The following CHODL variants were observed in gnomAD, a reference collection of about 807,000 sequenced individuals.
CHODL encodes chondrolectin, also known as transmembrane protein MT75.
A neutral mutation model predicts 34.5 loss-of-function variants in CHODL; 29 were observed. The ratio of observed to expected loss-of-function variants is 0.84; its 90% CI spans 0.63 to 1.15. The LOEUF (loss-of-function observed/expected upper bound fraction) is 1.15, where lower values mean the gene tolerates loss of function less well. Ranked by LOEUF, CHODL falls within the 50% of genes most tolerant of loss-of-function variation. CHODL has a pLI of 0.00. For missense variants in CHODL, 332 were observed against 332.5 expected (o/e 1.00, Z 0.01); for synonymous variants, 125 against 116.1 (o/e 1.08, Z -0.49).
upstream of CHODL, among the ~76,000 whole-genome samples, chr21:18,241,618 G>T (rs2146772027): frequency 6.6e-6 from 1 of 152,290 alleles, no homozygotes; most frequent in African/African-American, 2.4e-5. Context: ...CAGATCAGTG[G>T]CTGGAATTTA....
intron 2 of CHODL, among the ~76,000 whole-genome samples, chr21:18,199,272 A>G (rs2073625184): frequency 6.6e-6 from 1 of 152,094 alleles, no homozygotes; most frequent in African/African-American, 2.4e-5. Context: ...TTTCAATCAA[A>G]CTTGATTTAG....
chr21:18,103,077 G>T (rs1328200274), intron 2 of CHODL, among the ~76,000 whole-genome samples: 2 of 152,112 alleles, frequency 1.3e-5, no homozygotes, highest in Admixed American at 1.3e-4. Flanking sequence ...TTAAGAATAT[G>T]CATTTTAGAG....
intron 2 of CHODL, among the ~76,000 whole-genome samples, chr21:18,210,928 T>C (rs2073766018): frequency 6.6e-6 from 1 of 152,158 alleles, no homozygotes; most frequent in Non-Finnish European, 1.5e-5. Flanking sequence ...AAGTTTACAC[T>C]GTTTGGCACT....
intron 2 of CHODL, among the ~76,000 whole-genome samples, chr21:18,185,964 T>C (rs1160567289): frequency 6.6e-6 from 1 of 152,060 alleles, no homozygotes; most frequent in Non-Finnish European, 1.5e-5. Flanking sequence ...ATCGCCTTAG[T>C]GATTAGGTTT....
intron 2 of CHODL, among the ~76,000 whole-genome samples, chr21:18,037,466 C>A (rs1036780002): frequency 6.6e-6 from 1 of 151,726 alleles, no homozygotes; most frequent in Admixed American, 6.6e-5. Context: ...TTATTAGACT[C>A]CTACCATCTT....
chr21:18,040,781 A>G (rs12626847), intron 2 of CHODL, among the ~76,000 whole-genome samples: 2,634 of 151,920 alleles, frequency 0.017, 169 homozygotes, highest in East Asian at 0.16. Flanking sequence ...TACTTCAAAT[A>G]TAGCTTTCTT....
intron 5 of CHODL, among the ~76,000 whole-genome samples, chr21:18,264,913 C>T (rs1408018334): frequency 6.6e-6 from 1 of 151,768 alleles, no homozygotes; most frequent in Non-Finnish European, 1.5e-5. Context: ...GCCGGAGAAG[C>T]GATGGGAGGA....
At chr21:17,984,323 C>T (rs189213313) in intron 1 of CHODL, among the ~76,000 whole-genome samples, 28 of 152,112 alleles carry the variant, frequency 1.8e-4, no homozygotes, top group Non-Finnish European at 3.1e-4. Flanking sequence ...ATAATTGTAC[C>T]GTGAACATGG....
At chr21:18,060,788 A>C (rs1007665290) in intron 2 of CHODL, among the ~76,000 whole-genome samples, 12 of 151,506 alleles carry the variant, frequency 7.9e-5, no homozygotes, top group Non-Finnish European at 1.8e-4. Context: ...TGATGAAGAA[A>C]CCTCTGAAAT....
At chr21:18,012,360 A>G (rs1014038123) in intron 1 of CHODL, among the ~76,000 whole-genome samples, 1 of 152,176 alleles carries the variant, frequency 6.6e-6, no homozygotes, top group Admixed American at 6.5e-5. Flanking sequence ...TCCTTAGATT[A>G]TTGCAAGAGC....
chr21:18,167,511 G>T (rs375560764), intron 2 of CHODL, among the ~76,000 whole-genome samples: 2 of 151,686 alleles, frequency 1.3e-5, no homozygotes, highest in African/African-American at 4.8e-5. Flanking sequence ...GGGTTTCACC[G>T]TGTTAGCCAA....
At chr21:18,067,019 G>A (rs1340927549) in intron 2 of CHODL, among the ~76,000 whole-genome samples, 2 of 152,112 alleles carry the variant, frequency 1.3e-5, no homozygotes, top group African/African-American at 2.4e-5. Context: ...CCCAGTCTGC[G>A]GTATTTTGTT....
In CHODL at chr21:18,260,188, TATTA is replaced by T; in HGVS notation, c.548-11_548-8del. ...AATCATTATATATGATGGTGGTTCT[TATTA>T]TTTACAGAGATTAATCCAACAGCCC... On this transcript the variant is annotated splice_region_variant and splice_polypyrimidine_tract_variant and intron_variant, in intron 3 of 5. Coordinates refer to ENST00000299295, the MANE Select transcript of CHODL (RefSeq NM_024944.3). The T allele has an allele frequency of 7.1e-7, 1 of 1,400,376 alleles. No individual in the cohort carries two copies. Among genetic ancestry groups the T allele is most frequent in the Non-Finnish European group, 9.7e-7 (1 of 1,033,256 alleles). The allele number at this position is 1,400,376 out of a possible 1,614,324, so 86.7% of individuals were successfully genotyped here. A position where few individuals can be genotyped will look rare whatever the true frequency, so the allele number is the denominator to read the frequency against.
intron 2 of CHODL, among the ~76,000 whole-genome samples, chr21:18,031,216 C>T (rs2064244336): frequency 6.6e-6 from 1 of 152,138 alleles, no homozygotes; most frequent in Non-Finnish European, 1.5e-5. Context: ...AATGCAGACC[C>T]ACTTCCCCTA....
intron 2 of CHODL, among the ~76,000 whole-genome samples, chr21:18,032,072 G>A (rs746717287): frequency 5.9e-5 from 9 of 152,010 alleles, no homozygotes; most frequent in Non-Finnish European, 1.0e-4. Flanking sequence ...ACCAGGTAGG[G>A]GGAACTTGGG....
chr21:18,236,213 A>G (rs1601183034), intron 2 of CHODL, among the ~76,000 whole-genome samples: 2 of 152,128 alleles, frequency 1.3e-5, no homozygotes, highest in Non-Finnish European at 2.9e-5. Flanking sequence ...ATGAAAGCCA[A>G]GTGAAGTGGG....
chr21:18,071,642 T>G (rs558850487), intron 2 of CHODL, among the ~76,000 whole-genome samples: 100 of 152,286 alleles, frequency 6.6e-4, no homozygotes, highest in South Asian at 1.2e-3. Flanking sequence ...CAATAGTACT[T>G]AGAATTTCCC....
At chr21:18,004,252 T>C (rs1188778122) in intron 1 of CHODL, among the ~76,000 whole-genome samples, 1 of 152,242 alleles carries the variant, frequency 6.6e-6, no homozygotes, top group Non-Finnish European at 1.5e-5. Flanking sequence ...TTGGATAATG[T>C]AATAGACAAC....
At chr21:18,150,384 G>T (rs7283168) in intron 2 of CHODL, among the ~76,000 whole-genome samples, 94,140 of 151,918 alleles carry the variant, frequency 0.62, 31,026 homozygotes, top group Non-Finnish European at 0.75. Flanking sequence ...AGGTTAAATT[G>T]TAAGAGTGCC....
Sources: gnomAD v4.1 joint callset for allele counts (sites outside exome capture counted in the v4.1 genomes callset) on GRCh38, gnomAD v4.1.1 for gene constraint, MANE v1.5 for transcripts, NCBI Gene and HGNC (gene_info 2026-07-23, HGNC 2026-07-21) for gene names.